Variants in DIAPH3 observed in about 807,000 individuals in gnomAD.
DIAPH3 encodes the protein diaphanous related formin 3.
Under a neutral mutation model 144.3 loss-of-function variants are expected in DIAPH3, and 117 were observed. That is an observed-to-expected ratio of 0.81 (90% CI 0.70 to 0.95). The LOEUF is 0.95. Ranked by LOEUF, DIAPH3 falls within the 40% of genes least tolerant of loss-of-function variation. The pLI is 0.00. For synonymous variants in DIAPH3, 519 were observed against 488.9 expected, an observed-to-expected ratio of 1.06 and a Z score of -0.81; for missense variants, 1,421 against 1,412.7, an observed-to-expected ratio of 1.01 and a Z score of -0.09.
intron 17 of DIAPH3, among the ~76,000 whole-genome samples, chr13:59,967,077 G>GT (rs1423279598): frequency 6.6e-5 from 10 of 151,612 alleles, no homozygotes; most frequent in Non-Finnish European, 8.8e-5. Context: ...GTTTTTTTGT[G>GT]TTTTTTTGAG....
intron 4 of DIAPH3, among the ~76,000 whole-genome samples, chr13:60,047,108 A>G: frequency 6.6e-6 from 1 of 152,186 alleles, no homozygotes; most frequent in East Asian, 1.9e-4. Flanking sequence ...CTTGTATCCC[A>G]GAAATTAAAG....
At chr13:59,819,461 G>A (rs192267779) in intron 24 of DIAPH3, among the ~76,000 whole-genome samples, 16 of 151,882 alleles carry the variant, frequency 1.1e-4, no homozygotes, top group Non-Finnish European at 1.2e-4. Context: ...CTAGTAAATC[G>A]TATTGTGATA....
intron 3 of DIAPH3, among the ~76,000 whole-genome samples, chr13:60,095,060 G>C (rs2058065597): frequency 6.6e-6 from 1 of 152,124 alleles, no homozygotes; most frequent in South Asian, 2.1e-4. Flanking sequence ...TAATTGAGGT[G>C]ATGCTACCAG....
intron 3 of DIAPH3, among the ~76,000 whole-genome samples, chr13:60,109,030 C>A (rs1195882841): frequency 1.3e-5 from 2 of 152,138 alleles, no homozygotes; most frequent in Non-Finnish European, 2.9e-5. Context: ...AAAAGATATT[C>A]TCCATGAAAG....
At chr13:60,092,618 C>T (rs1031024677) in intron 4 of DIAPH3, among the ~76,000 whole-genome samples, 56 of 152,052 alleles carry the variant, frequency 3.7e-4, no homozygotes, top group Admixed American at 1.9e-3. Context: ...GCCACTGCAC[C>T]CCAGCCTGGG....
At chr13:60,033,694 A>G (rs1032467236) in intron 5 of DIAPH3, among the ~76,000 whole-genome samples, 7 of 152,326 alleles carry the variant, frequency 4.6e-5, no homozygotes, top group Non-Finnish European at 5.9e-5. Context: ...CCCCACCTTC[A>G]GCACTGGGGA....
chr13:59,915,280 C>A (rs1342651965), intron 19 of DIAPH3, among the ~76,000 whole-genome samples: 1 of 151,988 alleles, frequency 6.6e-6, no homozygotes, highest in African/African-American at 2.4e-5. Flanking sequence ...CAGCGACTCA[C>A]AGCACAAATC....
At chr13:59,701,180 T>C (rs554989430) in intron 27 of DIAPH3, among the ~76,000 whole-genome samples, 1 of 152,338 alleles carries the variant, frequency 6.6e-6, no homozygotes, top group Admixed American at 6.5e-5. Flanking sequence ...GTGCATTCCA[T>C]TGTACCTACC....
At chr13:59,695,986 T>C (rs976808005) in intron 27 of DIAPH3, 1 of 152,200 alleles carries the variant, frequency 6.6e-6, no homozygotes, top group African/African-American at 2.4e-5. Flanking sequence ...TAAGTTAACA[T>C]ACACCGTTAT....
chr13:60,125,546 C>A (rs1472213025), intron 2 of DIAPH3, among the ~76,000 whole-genome samples: 1 of 151,750 alleles, frequency 6.6e-6, no homozygotes, highest in African/African-American at 2.4e-5. Context: ...CACTCAGCCC[C>A]CTAATTATGT....
rs147865296 is a variant in DIAPH3 at position 59,835,050 on chromosome 13, C to G, written c.2863-1779G>C. Among the ~76,000 whole-genome samples the G allele has an allele frequency of 5.1e-3, 770 of 151,878 alleles. 3 individuals are homozygous for G. Among genetic ancestry groups the G allele is most frequent in the South Asian group, 0.032 (153 of 4,828 alleles). On this transcript the variant is annotated intron_variant, in intron 23 of 27. Transcript: ENST00000400324. ...AACCACCTACCACAAATATATCCCA[C>G]ATTTATTTTTAGGTCATACTGCCTT...
At chr13:59,801,544 A>C (rs2139477287) in intron 25 of DIAPH3, among the ~76,000 whole-genome samples, 1 of 152,316 alleles carries the variant, frequency 6.6e-6, no homozygotes, top group South Asian at 2.1e-4. Flanking sequence ...CATTAATGAT[A>C]ATTATTATTG....
chr13:60,156,939 A>ATTTTTTTTTTTTT (rs757042309), intron 1 of DIAPH3, among the ~76,000 whole-genome samples: 1 of 82,046 alleles, frequency 1.2e-5, no homozygotes, highest in Non-Finnish European at 2.3e-5. Flanking sequence ...ATATATATAT[A>ATTTTTTTTTTTTT]TTTTTTTTTT....
intron 25 of DIAPH3, among the ~76,000 whole-genome samples, chr13:59,781,800 A>G (rs570630013): frequency 6.6e-6 from 1 of 152,338 alleles, no homozygotes; most frequent in African/African-American, 2.4e-5. Context: ...TTGATCTCCA[A>G]TGTAATGGTA....
intron 4 of DIAPH3, among the ~76,000 whole-genome samples, chr13:60,089,962 G>C (rs1234503372): frequency 6.6e-6 from 1 of 152,184 alleles, no homozygotes; most frequent in Non-Finnish European, 1.5e-5. Context: ...ACCCGGAGTA[G>C]CTTCCATGAG....
chr13:59,737,032 C>T (rs916371662), intron 27 of DIAPH3, among the ~76,000 whole-genome samples: 1 of 151,968 alleles, frequency 6.6e-6, no homozygotes, highest in Admixed American at 6.6e-5. Flanking sequence ...AATGTAAAAA[C>T]GAAAACCATA....
At position 59,930,472 on chromosome 13, in the gene DIAPH3, G is replaced by C. The variant is rs549922875; in HGVS notation, c.2075-5602C>G. ...CTTGAAAGGAAAAATGAGTCAGCCA[G>C]GTAAGAAGGTGGGGGTATGTGGGAA... On this transcript the variant is annotated intron_variant, in intron 17 of 27. Transcript: ENST00000400324. 2.6e-5 allele frequency among the ~76,000 whole-genome samples: 4 copies of C among 152,260 alleles called. No individual in the cohort carries two copies. In the East Asian group the frequency reaches 7.7e-4, roughly 29 times the overall value.
intron 27 of DIAPH3, among the ~76,000 whole-genome samples, chr13:59,704,569 T>C (rs1437051622): frequency 6.6e-6 from 1 of 152,242 alleles, no homozygotes; most frequent in African/African-American, 2.4e-5. Context: ...CAATGAAGGA[T>C]TGCATGTATG....
intron 20 of DIAPH3, among the ~76,000 whole-genome samples, chr13:59,880,948 A>G (rs2044982813): frequency 6.6e-6 from 1 of 150,756 alleles, no homozygotes; most frequent in African/African-American, 2.4e-5. Context: ...ACTGTCTAGG[A>G]AAAACAAAGA....
Sources: gnomAD v4.1 joint callset for allele counts (sites outside exome capture counted in the v4.1 genomes callset) on GRCh38, gnomAD v4.1.1 for gene constraint, MANE v1.5 for transcripts, NCBI Gene and HGNC (gene_info 2026-07-23, HGNC 2026-07-21) for gene names.